Variants in BPTF observed in about 807,000 individuals in gnomAD.
BPTF encodes bromodomain PHD finger transcription factor.
BPTF carries 18 observed loss-of-function variants against 292.5 expected under a neutral mutation model. That is an observed-to-expected ratio of 0.06 (90% confidence interval 0.04 to 0.09). The LOEUF (loss-of-function observed/expected upper bound fraction) is 0.09. BPTF is among the 10% of genes least tolerant of loss of function. BPTF has a pLI of 1.00. For missense variants in BPTF, 2,726 were observed against 3,498.7 expected (o/e 0.78, Z 5.57); for synonymous variants, 1,225 against 1,251.9 (o/e 0.98, Z 0.45).
In BPTF at chr17:67,964,421, T is replaced by G. The variant is rs2067805055; in HGVS notation, c.8454+17T>G. 6.3e-7 allele frequency: 1 copy of G among 1,576,532 alleles called. No individual in the cohort carries two copies. Among genetic ancestry groups the G allele is most frequent in the Non-Finnish European group, 8.7e-7 (1 of 1,155,532 alleles). ...TCCTTACAGGTGAGACCCCTCTGTG[T>G]GCAGCATTTCAAAATGAAATCAGCC... On this transcript the variant is annotated intron_variant, in intron 25 of 27. Coordinates refer to ENST00000306378, the MANE Select transcript of BPTF (RefSeq NM_182641.4).
intron 11 of BPTF, among the ~76,000 whole-genome samples, chr17:67,916,872 T>G (rs2063039970): frequency 6.6e-6 from 1 of 152,022 alleles, no homozygotes; most frequent in South Asian, 2.1e-4. Flanking sequence ...TTTATAGCCT[T>G]TGTCTACACC....
At chr17:67,934,175 G>T (rs1031191865) in intron 18 of BPTF, among the ~76,000 whole-genome samples, 4 of 152,074 alleles carry the variant, frequency 2.6e-5, no homozygotes, top group South Asian at 2.1e-4. Flanking sequence ...AGTAAAGCTA[G>T]AAATTAATAT....
chr17:67,969,474 A>G (rs896151957), intron 26 of BPTF, among the ~76,000 whole-genome samples: 1 of 148,298 alleles, frequency 6.7e-6, no homozygotes, highest in East Asian at 2.0e-4. Context: ...AAAAAAAAAA[A>G]AGAGATAGCC....
At chr17:67,847,240 C>A (rs575671200) in intron 1 of BPTF, among the ~76,000 whole-genome samples, 7 of 152,094 alleles carry the variant, frequency 4.6e-5, no homozygotes, top group Non-Finnish European at 8.8e-5. Context: ...CTAGGCCAGG[C>A]GTGTTAGCTC....
Position 67,884,141 on chromosome 17 carries a change from T to TC in BPTF, c.1865-7703_1865-7702insC, listed in dbSNP as rs199697046. ...CCTATTGATGGGCATTTTCTTTCTT[T>TC]TTTTTTTTTTTTTTTTGAAACAATC... is the stretch of plus-strand genomic sequence containing the variant. On this transcript the variant is annotated intron_variant, in intron 4 of 27. Coordinates refer to ENST00000306378, the MANE Select transcript of BPTF (RefSeq NM_182641.4). Among the ~76,000 whole-genome samples the TC allele has an allele frequency of 4.6e-4, 66 of 144,502 alleles. 1 individual carries two copies. The highest frequency in any genetic ancestry group is 8.7e-4 in the Non-Finnish European group (58 of 66,562). 94.8% of individuals were successfully genotyped at this position (144,502 alleles called of 152,430 possible). A position where few individuals can be genotyped will look rare whatever the true frequency, so the allele number is the denominator to read the frequency against.
Position 67,959,775 on chromosome 17 carries a change from T to C in BPTF, c.8161T>C (p.Ser2721Pro), listed in dbSNP as rs1555683081. The change falls in exon 24 of 28, where the codon TCA (serine) becomes CCA (proline). Residue 2721 changes from serine (S) to proline (P), a missense_variant. Around this residue, in one of 22 missense-constraint regions of BPTF, gnomAD observed 148 missense variants for 145.5 expected, o/e 1.02. Transcript: ENST00000306378. ...RKREEEKDSS[S>P]KSKKKKMIST... ...GCGGGAAGAGGAAAAAGACTCCAGCTCAAAGTCCAAGAAAAAGAAAATGAT... is the reference window on the plus strand; with the variant it reads ...GCGGGAAGAGGAAAAAGACTCCAGCCCAAAGTCCAAGAAAAAGAAAATGAT... 1 of 1,613,630 alleles carries C rather than the reference T, an allele frequency of 6.2e-7. No homozygotes were observed.
At chr17:67,899,537 T>TC (rs951621307) in intron 7 of BPTF, among the ~76,000 whole-genome samples, 3 of 151,180 alleles carry the variant, frequency 2.0e-5, no homozygotes, top group Admixed American at 6.6e-5. Flanking sequence ...TTTTTTCTTT[T>TC]TTTTTTTTTT....
At chr17:67,836,164 C>T (rs2057116377) in intron 1 of BPTF, among the ~76,000 whole-genome samples, 2 of 152,230 alleles carry the variant, frequency 1.3e-5, no homozygotes, top group South Asian at 2.1e-4. Context: ...CTGTATAAAA[C>T]GTCTTAGGAG....
intron 2 of BPTF, among the ~76,000 whole-genome samples, chr17:67,863,531 G>T (rs181384413): frequency 3.9e-5 from 6 of 152,204 alleles, no homozygotes; most frequent in African/African-American, 1.4e-4. Context: ...TGATCTGCCC[G>T]CCTTGGCCTC....
chr17:67,897,913 A>C (rs1270743724), intron 7 of BPTF, among the ~76,000 whole-genome samples: 3 of 152,160 alleles, frequency 2.0e-5, no homozygotes, highest in Non-Finnish European at 2.9e-5. Flanking sequence ...AATATTTATT[A>C]ATAATTAATA....
intron 4 of BPTF, among the ~76,000 whole-genome samples, chr17:67,889,338 G>C (rs1491000700): frequency 6.6e-6 from 1 of 152,140 alleles, no homozygotes; most frequent in East Asian, 1.9e-4. Flanking sequence ...TTGACTCTGA[G>C]CAGTATTGGA....
At chr17:67,910,485 A>G (rs1388917753) in intron 10 of BPTF, among the ~76,000 whole-genome samples, 1 of 152,182 alleles carries the variant, frequency 6.6e-6, no homozygotes, top group Admixed American at 6.5e-5. Context: ...TAGATAATGC[A>G]TGTGGCTAGA....
rs1491275806 is a variant in BPTF at position 67,879,152 on chromosome 17, TTC to T, written c.1864+4134_1864+4135del. On this transcript the variant is annotated intron_variant, in intron 4 of 27. Coordinates refer to ENST00000306378, the MANE Select transcript of BPTF (RefSeq NM_182641.4). ...TAATTATTTCTTTTTTTTTTTTTTT[TTC>T]TTTTTGAGATGGAGTTTCAGTCTTT... Among the ~76,000 whole-genome samples, 155 of 98,774 alleles carry T rather than the reference TTC, an allele frequency of 1.6e-3. 7 individuals are homozygous for T. The East Asian group carries it at 0.03, about 19-fold the overall frequency. 64.8% of individuals were successfully genotyped at this position (98,774 alleles called of 152,430 possible).
chr17:67,856,390 GT>G (rs1221156926), intron 2 of BPTF, among the ~76,000 whole-genome samples: 1 of 151,254 alleles, frequency 6.6e-6, no homozygotes, highest in Non-Finnish European at 1.5e-5. Flanking sequence ...TTAATGACAG[GT>G]TTTTTTCTCT....
intron 27 of BPTF, 62 bp from the exon 28 acceptor site, chr17:67,982,190 A>AAG: frequency 6.8e-7 from 1 of 1,466,750 alleles, no homozygotes; most frequent in Non-Finnish European, 9.5e-7. Flanking sequence ...CATCCGCATA[A>AAG]AGCATCATTG....
At chr17:67,890,338 T>C (rs2061028040) in intron 4 of BPTF, among the ~76,000 whole-genome samples, 1 of 152,238 alleles carries the variant, frequency 6.6e-6, no homozygotes, top group Admixed American at 6.5e-5. Flanking sequence ...CATATTTTTC[T>C]GTTTATTTCT....
chr17:67,899,035 CTAAT>C (rs2061643544), intron 7 of BPTF, among the ~76,000 whole-genome samples: 1 of 151,920 alleles, frequency 6.6e-6, no homozygotes, highest in Admixed American at 6.6e-5. Context: ...TGCAGTTGAT[CTAAT>C]TAATTAACAC....
intron 1 of BPTF, 24 bp from the exon 2 acceptor site, chr17:67,853,916 A>G (rs748939899): frequency 1.9e-6 from 3 of 1,565,216 alleles, no homozygotes; most frequent in South Asian, 1.1e-5. Context: ...TTGATTTGTA[A>G]TGATGTCACG....
chr17:67,877,874 C>A (rs2060142802), intron 4 of BPTF, among the ~76,000 whole-genome samples: 1 of 152,162 alleles, frequency 6.6e-6, no homozygotes, highest in Non-Finnish European at 1.5e-5. Flanking sequence ...CTCAAGCCAT[C>A]CTCCCGCCTC....
Sources: allele counts gnomAD v4.1 joint callset (sites outside exome capture counted in the v4.1 genomes callset), GRCh38; gene constraint gnomAD v4.1.1; regional missense constraint gnomAD v4.1.1; transcripts MANE v1.5; gene names NCBI Gene and HGNC (gene_info 2026-07-23, HGNC 2026-07-21).